Variants in RPH3AL observed in about 807,000 individuals in gnomAD.
RPH3AL encodes rabphilin 3A like (without C2 domains).
RPH3AL carries 38 observed loss-of-function variants against 43.1 expected under a neutral mutation model. The ratio of observed to expected loss-of-function variants is 0.88; its 90% CI spans 0.68 to 1.15. The LOEUF is 1.15. Among genes scored for constraint, RPH3AL ranks in the 50% most tolerant of loss-of-function variants. RPH3AL has a pLI of 0.00. For synonymous variants in RPH3AL, 189 were observed against 176.3 expected, an observed-to-expected ratio of 1.07 and a Z score of -0.57; for missense variants, 462 against 423.2, an observed-to-expected ratio of 1.09 and a Z score of -0.81.
At chr17:315,534 TC>T (rs66510420) in intron 5 of RPH3AL, among the ~76,000 whole-genome samples, 192 of 22,728 alleles carry the variant, frequency 8.4e-3, no homozygotes, top group East Asian at 0.018. Context: ...GTCCCTGTGC[TC>T]CCACCTCCAT....
chr17:337,647 G>A (rs1018980575), intron 1 of RPH3AL, among the ~76,000 whole-genome samples: 3 of 152,186 alleles, frequency 2.0e-5, no homozygotes, highest in Non-Finnish European at 2.9e-5. Context: ...TCCTGTCCTC[G>A]GCAGGACCAA....
intron 5 of RPH3AL, among the ~76,000 whole-genome samples, chr17:304,403 G>A (rs2043410547): frequency 6.6e-6 from 1 of 152,130 alleles, no homozygotes; most frequent in Non-Finnish European, 1.5e-5. Flanking sequence ...CCTCTGCACA[G>A]TCCTGTAAGT....
At chr17:243,172 T>C (rs1406870561) in intron 7 of RPH3AL, among the ~76,000 whole-genome samples, 1 of 138,560 alleles carries the variant, frequency 7.2e-6, no homozygotes, top group Non-Finnish European at 1.6e-5. Flanking sequence ...CCTTCCTCTA[T>C]TGATTACCCT....
chr17:258,820 GC>G (rs2042133037), intron 6 of RPH3AL, among the ~76,000 whole-genome samples: 1 of 149,042 alleles, frequency 6.7e-6, no homozygotes, highest in African/African-American at 2.5e-5. Context: ...GAGTGCAATG[GC>G]ACGATCATGG....
At chr17:291,022 G>A (rs547975597) in intron 5 of RPH3AL, among the ~76,000 whole-genome samples, 2 of 152,292 alleles carry the variant, frequency 1.3e-5, no homozygotes, top group East Asian at 1.9e-4. Flanking sequence ...CGACCGAAAC[G>A]GGTGAAACTG....
In RPH3AL at chr17:337,036, T is replaced by A. The variant is rs79970246; in HGVS notation, c.-212-3102A>T. ...CTGTTACCCCGATGCCCAGACATGG[T>A]GGGTCCAGTACCCCTTCAGGGGACT... is the stretch of plus-strand genomic sequence containing the variant. On this transcript the variant is annotated intron_variant, in intron 1 of 9. Transcript: ENST00000331302. Among the ~76,000 whole-genome samples the A allele has an allele frequency of 0.014, 2,103 of 152,280 alleles. 99 individuals are homozygous for A. The East Asian group carries it at 0.14, about 10-fold the overall frequency.
In RPH3AL at chr17:347,024, C is replaced by T. The variant is rs915088409; in HGVS notation, c.-213+5688G>A. 1.9e-4 allele frequency among the ~76,000 whole-genome samples: 26 copies of T among 134,848 alleles called. 4 individuals carry two copies. Among genetic ancestry groups the T allele is most frequent in the Non-Finnish European group, 3.4e-4 (20 of 59,254 alleles). The allele number at this position is 134,848 out of a possible 152,430, so 88.5% of individuals were successfully genotyped here. A position where few individuals can be genotyped will look rare whatever the true frequency, so the allele number is the denominator to read the frequency against. The stretch of plus-strand genomic sequence containing the variant: ...CTGTAATCCCAGCACTTTGGGAGGC[C>T]GAGGCGGGAGGATCACGAGGTCAGG... On this transcript the variant is annotated intron_variant, in intron 1 of 9. Transcript: ENST00000331302.
rs1452507640 is a variant in RPH3AL, at chr17:322,015, T to C, written c.78-600A>G. Among the ~76,000 whole-genome samples the C allele has an allele frequency of 6.6e-6, 1 of 152,094 alleles. No individual in the cohort carries two copies. Among genetic ancestry groups the C allele is most frequent in the Admixed American group, 6.5e-5 (1 of 15,270 alleles). On this transcript the variant is annotated intron_variant, in intron 3 of 9. Coordinates refer to ENST00000331302, the MANE Select transcript of RPH3AL (RefSeq NM_006987.4). The surrounding 1 kb of genome is among the most constrained non-coding windows in gnomAD (Gnocchi z 4.0). The stretch of plus-strand genomic sequence containing the variant: ...TTCACCAGGGGACAGGAAAGCCATG[T>C]AATTAGGGTGAAGACACAGCGTTGA...
At chr17:243,502 T>A (rs1341488879) in intron 7 of RPH3AL, among the ~76,000 whole-genome samples, 1 of 147,712 alleles carries the variant, frequency 6.8e-6, no homozygotes, top group Non-Finnish European at 1.5e-5. Context: ...CCTTCCTCTA[T>A]TGATTACCTT....
intron 8 of RPH3AL, among the ~76,000 whole-genome samples, chr17:218,354 C>CCATT (rs880002670): frequency 1.0e-4 from 5 of 47,878 alleles, no homozygotes; most frequent in Non-Finnish European, 2.3e-4. Flanking sequence ...ATTACAGAGC[C>CCATT]CTTCTTCTGC....
chr17:223,502 C>G (rs1052343516), intron 7 of RPH3AL, among the ~76,000 whole-genome samples: 1 of 152,166 alleles, frequency 6.6e-6, no homozygotes, highest in Non-Finnish European at 1.5e-5. Context: ...TAGTGAGCAT[C>G]GTCTTCCAAA....
intron 1 of RPH3AL, among the ~76,000 whole-genome samples, chr17:342,497 A>G (rs1000919050): frequency 6.6e-6 from 1 of 152,270 alleles, no homozygotes; most frequent in Non-Finnish European, 1.5e-5. Context: ...AATATGGTGT[A>G]TCCACACAAA....
chr17:331,777 G>C, intron 2 of RPH3AL: 1 of 1,289,188 alleles, frequency 7.8e-7, no homozygotes, highest in Non-Finnish European at 1.0e-6. Flanking sequence ...AGGGCAGAAA[G>C]TCTGACCCTT....
At chr17:315,155 G>C (rs933456328) in intron 5 of RPH3AL, among the ~76,000 whole-genome samples, 164 of 139,726 alleles carry the variant, frequency 1.2e-3, no homozygotes, top group South Asian at 1.9e-3. Flanking sequence ...TTGACCTGTA[G>C]TCCCTGTGCC....
At chr17:347,926 G>T (rs759375878) in intron 1 of RPH3AL, among the ~76,000 whole-genome samples, 1 of 151,740 alleles carries the variant, frequency 6.6e-6, no homozygotes, top group East Asian at 1.9e-4. Flanking sequence ...AGCATTTTAG[G>T]AGACCGAGGT....
intron 7 of RPH3AL, among the ~76,000 whole-genome samples, chr17:231,056 C>CT: frequency 6.6e-6 from 1 of 152,320 alleles, no homozygotes; most frequent in East Asian, 1.9e-4. Context: ...GTATCTGTGT[C>CT]TTTGTGTGTT....
At position 246,937 on chromosome 17, in the gene RPH3AL, C is replaced by T. The variant is rs2041779432; in HGVS notation, c.613+174G>A. Among the ~76,000 whole-genome samples, 1 of 152,208 alleles carries T rather than the reference C, an allele frequency of 6.6e-6. No individual in the cohort carries two copies. The highest frequency in any genetic ancestry group is 2.4e-5 in the African/African-American group (1 of 41,452). On this transcript the variant is annotated intron_variant, in intron 7 of 9. Transcript: ENST00000331302. This position sits in a 1 kb window ranked among gnomAD's most constrained non-coding sequence, Gnocchi z 4.8. ...GCGAACAGTCACCTGCTGGAGGTCC[C>T]CGCTGCTCACTCGGGAGAAGGTGTG...
In RPH3AL at chr17:314,568, C is replaced by G. The variant is rs111810758; in HGVS notation, c.351+4852G>C. Among the ~76,000 whole-genome samples the G allele has an allele frequency of 3.4e-3, 510 of 149,398 alleles. 3 individuals carry two copies. Among genetic ancestry groups the G allele is most frequent in the African/African-American group, 0.012 (490 of 40,794 alleles). ...GACCTGTAGTCTCTGTGCCCCACCT[C>G]CACTGACAGGCAGTCTCTGTGCTCC... On this transcript the variant is annotated intron_variant, in intron 5 of 9. Coordinates refer to ENST00000331302, the MANE Select transcript of RPH3AL (RefSeq NM_006987.4).
chr17:249,291 C>T (rs2151548117), intron 6 of RPH3AL, among the ~76,000 whole-genome samples: 1 of 152,262 alleles, frequency 6.6e-6, no homozygotes, highest in Middle Eastern at 3.4e-3. Context: ...AATCTGAATC[C>T]TGGGTCTGGC....
Sources: allele counts gnomAD v4.1 joint callset (sites outside exome capture counted in the v4.1 genomes callset), GRCh38; gene constraint gnomAD v4.1.1; non-coding constraint Gnocchi (gnomAD v3.1); transcripts MANE v1.5; gene names NCBI Gene and HGNC (gene_info 2026-07-23, HGNC 2026-07-21).